PRSS12: variants seen among roughly 807,000 people sequenced by gnomAD.
The protein encoded by PRSS12 is neurotrypsin.
A neutral mutation model predicts 104.4 loss-of-function variants in PRSS12; 85 were observed. That is an observed-to-expected ratio of 0.81 (90% CI 0.68 to 0.98). The LOEUF (loss-of-function observed/expected upper bound fraction) is 0.98. Ranked by LOEUF, PRSS12 falls within the 50% of genes least tolerant of loss-of-function variation. The probability of loss-of-function intolerance (pLI) is 0.00; values close to 1 mark genes in which losing one functional copy is unlikely to be tolerated. For missense variants in PRSS12, 1,141 were observed against 1,139.2 expected (o/e 1.00, Z -0.02); for synonymous variants, 454 against 425.2 (o/e 1.07, Z -0.83).
chr4:118,292,265 A>G (rs555307629), intron 11 of PRSS12, among the ~76,000 whole-genome samples: 1 of 152,308 alleles, frequency 6.6e-6, no homozygotes, highest in South Asian at 2.1e-4. Context: ...GCATCTGTCA[A>G]TTCCACTTAT....
chr4:118,298,920 T>A lies in PRSS12; in HGVS notation c.1650A>T (p.Arg550Ser), dbSNP rs878910417. Residue 550 changes from arginine (R) to serine (S), a missense_variant, in exon 9 of 13, where the codon AGA becomes AGT. Physicochemically the swap from Arg to Ser is moderately radical, Grantham distance 110 (BLOSUM62 -1). Transcript: ENST00000296498. The part of the protein sequence containing the change: ...QLGYKGPARA[R>S]TMAYFGEGKG... ...TTCCTTCTCCAAAGTAAGCCATGGT[T>A]CTTGCTCTGGCAGGACCCCTGAAGA... is the stretch of plus-strand genomic sequence containing the variant. 1.2e-6 allele frequency: 2 copies of A among 1,614,214 alleles called. No homozygotes were observed. The highest frequency in any genetic ancestry group is 2.2e-5 in the South Asian group (2 of 91,092).
At chr4:118,350,315 T>C (rs1392777109) in intron 1 of PRSS12, among the ~76,000 whole-genome samples, 2 of 152,308 alleles carry the variant, frequency 1.3e-5, no homozygotes, top group African/African-American at 4.8e-5. Flanking sequence ...CACCACTCCA[T>C]GATACTTTTG....
intron 4 of PRSS12, among the ~76,000 whole-genome samples, chr4:118,322,164 G>GTAGT (rs76496858): frequency 0.12 from 18,186 of 152,098 alleles, 1,349 homozygotes; most frequent in South Asian, 0.2. Context: ...TCTTGCAATA[G>GTAGT]TAGTGTACAA....
chr4:118,346,968 T>C (rs753936425), intron 1 of PRSS12, among the ~76,000 whole-genome samples: 3 of 151,844 alleles, frequency 2.0e-5, no homozygotes, highest in Non-Finnish European at 4.4e-5. Flanking sequence ...TGTGCATGCA[T>C]GCACACATGC....
chr4:118,340,750 G>A (rs1724183759), intron 1 of PRSS12, among the ~76,000 whole-genome samples: 2 of 152,184 alleles, frequency 1.3e-5, no homozygotes, highest in Admixed American at 6.5e-5. Context: ...TACGTGACGT[G>A]GGAGCCTTTA....
rs2126032150 is a variant in PRSS12, at chr4:118,308,438, G to A, written c.1629C>T (p.Tyr543=). 9.3e-6 allele frequency: 15 copies of A among 1,613,980 alleles called. No individual in the cohort carries two copies. Among genetic ancestry groups the A allele is most frequent in the Non-Finnish European group, 1.2e-5 (14 of 1,179,936 alleles). The part of the protein sequence containing the change: ...DAAVICRQLG[Y]KGPARARTMA... ...CCAAATAATTAGGTTTTCCTTACTT[G>A]TAGCCAAGCTGACGACAGATCACAG... Residue 543 remains tyrosine, a splice_region_variant and synonymous_variant, in exon 8 of 13, where the codon TAC becomes TAT. Transcript: ENST00000296498.
chr4:118,286,737 T>C (rs762536048), intron 11 of PRSS12, among the ~76,000 whole-genome samples: 8 of 152,160 alleles, frequency 5.3e-5, no homozygotes, highest in Non-Finnish European at 1.0e-4. Flanking sequence ...TCAATTACCA[T>C]ATTATAACAA....
At chr4:118,304,294 A>G (rs788647) in intron 8 of PRSS12, among the ~76,000 whole-genome samples, 128,414 of 151,668 alleles carry the variant, frequency 0.85, 56,101 homozygotes, top group South Asian at 0.95. Flanking sequence ...AGAAAAAAAA[A>G]CTGTAAAATT....
At chr4:118,308,660 G>GC in intron 7 of PRSS12, 83 bp from the exon 8 acceptor site, 1 of 1,538,854 alleles carries the variant, frequency 6.5e-7, no homozygotes, top group East Asian at 2.3e-5. Flanking sequence ...AAACACAATT[G>GC]TTCTTTTTAA....
Position 118,352,320 on chromosome 4 carries a change from C to A in PRSS12, c.401G>T (p.Arg134Leu). The A allele has an allele frequency of 6.3e-7, 1 of 1,593,120 alleles. No individual in the cohort carries two copies. The highest frequency in any genetic ancestry group is 8.5e-7 in the Non-Finnish European group (1 of 1,173,410). Reference sequence around the variant, plus strand: ...GTCGGGGCTCCGACAAAAGTTGTGGCGCTGTCCTCGCAGCTGAGCCCAGCT... The same window carrying A: ...GTCGGGGCTCCGACAAAAGTTGTGGAGCTGTCCTCGCAGCTGAGCCCAGCT... Reference protein sequence around the residue: ...PASWAQLRGQRHNFCRSPDGA... With the variant: ...PASWAQLRGQLHNFCRSPDGA... Residue 134 changes from arginine to leucine, a missense_variant, in exon 1 of 13, where the codon CGC becomes CTC. Physicochemically the swap from Arg to Leu is moderately radical, Grantham distance 102. Transcript: ENST00000296498.
intron 11 of PRSS12, among the ~76,000 whole-genome samples, chr4:118,283,866 A>G (rs1157471303): frequency 6.6e-6 from 1 of 152,204 alleles, no homozygotes; most frequent in African/African-American, 2.4e-5. Context: ...ATTCCAGGTC[A>G]GAGATATCTT....
At chr4:118,327,446 C>T (rs1489016506) in intron 4 of PRSS12, among the ~76,000 whole-genome samples, 2 of 151,980 alleles carry the variant, frequency 1.3e-5, no homozygotes, top group Non-Finnish European at 2.9e-5. Flanking sequence ...GACACCATGC[C>T]TGGCAAAAAA....
intron 8 of PRSS12, among the ~76,000 whole-genome samples, chr4:118,304,635 A>T (rs1294031581): frequency 6.6e-6 from 1 of 152,034 alleles, no homozygotes; most frequent in Non-Finnish European, 1.5e-5. Flanking sequence ...AATATAATGG[A>T]ATTTCCGTCA....
In PRSS12 at chr4:118,345,782, T is replaced by G. The variant is rs555925537; in HGVS notation, c.502+6437A>C. Among the ~76,000 whole-genome samples, 192 of 152,312 alleles carry G rather than the reference T, an allele frequency of 1.3e-3. 6 individuals are homozygous for G. The South Asian group carries it at 0.034, about 27-fold the overall frequency. On this transcript the variant is annotated intron_variant, in intron 1 of 12. Transcript: ENST00000296498. ...CATTTTACAGCACTTTATAAATTAC[T>G]TACTGTTATTTTTTAATTGCATTAA...
At chr4:118,303,197 TGAGAA>T (rs1179332505) in intron 8 of PRSS12, 2 of 151,582 alleles carry the variant, frequency 1.3e-5, no homozygotes, top group Non-Finnish European at 2.9e-5. Flanking sequence ...TCTAGACCAC[TGAGAA>T]AAGATGAAAA....
At chr4:118,320,754 A>AAAT (rs551930491) in intron 4 of PRSS12, among the ~76,000 whole-genome samples, 176 of 152,186 alleles carry the variant, frequency 1.2e-3, no homozygotes, top group African/African-American at 3.9e-3. Flanking sequence ...TCCTGTCTCA[A>AAAT]AATAATAATA....
chr4:118,298,906 A>T lies in PRSS12; in HGVS notation c.1664T>A (p.Phe555Tyr). The T allele has an allele frequency of 6.2e-7, 1 of 1,614,130 alleles. No individual in the cohort carries two copies. Among genetic ancestry groups the T allele is most frequent in the Non-Finnish European group, 8.5e-7 (1 of 1,180,020 alleles). ...ATGGATGGGTCCTTTTCCTTCTCCAAAGTAAGCCATGGTTCTTGCTCTGGC... is the reference window on the plus strand; with the variant it reads ...ATGGATGGGTCCTTTTCCTTCTCCATAGTAAGCCATGGTTCTTGCTCTGGC... ...GPARARTMAY[F>Y]GEGKGPIHVD... The change falls in exon 9 of 13, where the codon TTT (phenylalanine) becomes TAT (tyrosine). Residue 555 changes from phenylalanine to tyrosine, a missense_variant. Transcript: ENST00000296498.
At chr4:118,305,935 A>C (rs1743538757) in intron 8 of PRSS12, 1 of 152,222 alleles carries the variant, frequency 6.6e-6, no homozygotes, top group Non-Finnish European at 1.5e-5. Flanking sequence ...ATATATATAC[A>C]CATACATACC....
Position 118,352,461 on chromosome 4 carries a change from C to T in PRSS12, c.260G>A (p.Arg87Gln). 1 of 1,405,662 alleles carries T rather than the reference C, an allele frequency of 7.1e-7. No individual in the cohort carries two copies. The highest frequency in any genetic ancestry group is 9.2e-7 in the Non-Finnish European group (1 of 1,087,254). The allele number at this position is 1,405,662 out of a possible 1,614,324, so 87.1% of individuals were successfully genotyped here. ...GGCGGGGCAGCCCCAGGGGTGCGGC[C>T]GGGGCGTGTGCCCGGCCTGGAGGGC... ...PHALQAGHTP[R>Q]PHPWGCPAGE... Residue 87 changes from arginine (R) to glutamine (Q), a missense_variant, in exon 1 of 13, where the codon CGG becomes CAG. By Grantham distance (43) the Arg-to-Gln change is conservative (BLOSUM62 1). Transcript: ENST00000296498.
Sources: allele counts gnomAD v4.1 joint callset (sites outside exome capture counted in the v4.1 genomes callset), GRCh38; gene constraint gnomAD v4.1.1; transcripts MANE v1.5; gene names NCBI Gene and HGNC (gene_info 2026-07-23, HGNC 2026-07-21).